CADPS: variants seen among roughly 807,000 people sequenced by gnomAD.
The protein encoded by CADPS is calcium-dependent secretion activator 1.
CADPS carries 57 observed loss-of-function variants against 167.3 expected under a neutral mutation model. The observed-to-expected ratio is 0.34, with a 90% CI of 0.28 to 0.42. The LOEUF (loss-of-function observed/expected upper bound fraction) is 0.42. Ranked by LOEUF, CADPS falls within the 20% of genes least tolerant of loss-of-function variation. CADPS has a pLI of 1.00. For missense variants in CADPS, 1,414 were observed against 1,738.1 expected (o/e 0.81, Z 3.32); for synonymous variants, 676 against 635.3 (o/e 1.06, Z -0.96).
chr3:62,790,418 T>G (rs2092831085), intron 1 of CADPS, among the ~76,000 whole-genome samples: 1 of 152,210 alleles, frequency 6.6e-6, no homozygotes, highest in African/African-American at 2.4e-5. Flanking sequence ...TTCTGAATCT[T>G]ATGTCTCCAT....
chr3:62,701,606 TA>T (rs5849494), intron 3 of CADPS, among the ~76,000 whole-genome samples: 256 of 130,040 alleles, frequency 2.0e-3, no homozygotes, highest in African/African-American at 4.9e-3. Flanking sequence ...AGACTCAGTC[TA>T]AAAAAAAAAA....
chr3:62,638,172 A>G (rs527459325), intron 6 of CADPS, among the ~76,000 whole-genome samples: 1 of 151,974 alleles, frequency 6.6e-6, no homozygotes, highest in African/African-American at 2.4e-5. Context: ...GCCCACTCAC[A>G]CAGCGGAAAT....
At chr3:62,775,014 A>G (rs1445132979) in intron 1 of CADPS, among the ~76,000 whole-genome samples, 10 of 151,844 alleles carry the variant, frequency 6.6e-5, no homozygotes. Context: ...TCTTTTACCC[A>G]TAAGTGTTTT....
intron 6 of CADPS, 70 bp downstream of exon 6, chr3:62,645,652 T>C: frequency 1.9e-6 from 3 of 1,552,364 alleles, no homozygotes; most frequent in Non-Finnish European, 2.6e-6. Context: ...ATCTTTACCT[T>C]GGAGTTGGCC....
intron 28 of CADPS, chr3:62,404,772 T>A (rs1327513499): frequency 2.8e-5 from 4 of 142,184 alleles, no homozygotes; most frequent in Admixed American, 7.5e-5. Context: ...GGGTAGGAAG[T>A]AGATTTTTTT....
chr3:62,690,408 G>A (rs182318091), intron 3 of CADPS, among the ~76,000 whole-genome samples: 7 of 152,100 alleles, frequency 4.6e-5, no homozygotes, highest in East Asian at 3.9e-4. Context: ...CACTTCACTC[G>A]TTTGTGTGAA....
At chr3:62,855,099 T>TTTTTTTTTTTTTTTA (rs1343184814) in intron 1 of CADPS, among the ~76,000 whole-genome samples, 1 of 140,310 alleles carries the variant, frequency 7.1e-6, no homozygotes, top group African/African-American at 2.6e-5. Flanking sequence ...TAATTTTTTT[T>TTTTTTTTTTTTTTTA]TTTTTTTTTT....
Position 62,753,895 on chromosome 3 carries a change from T to A in CADPS, c.556-122A>T. Reference sequence around the variant, plus strand: ...ATCCCAGGAGGAACCACTGTGGGTCTCACCCTGCCCCACCACCTCCTGGCT... The same window carrying A: ...ATCCCAGGAGGAACCACTGTGGGTCACACCCTGCCCCACCACCTCCTGGCT... On this transcript the variant is annotated intron_variant, in intron 2 of 29. Transcript: ENST00000383710. The surrounding 1 kb of genome is among the most constrained non-coding windows in gnomAD (Gnocchi z 4.6). The A allele has an allele frequency of 1.1e-6, 1 of 871,686 alleles. No homozygotes were observed. Among genetic ancestry groups the A allele is most frequent in the Non-Finnish European group, 1.7e-6 (1 of 573,090 alleles). The allele number at this position is 871,686 out of a possible 1,614,324, so 54.0% of individuals were successfully genotyped here.
At chr3:62,651,214 T>C (rs2070039088) in intron 4 of CADPS, 134 bp from the exon 5 acceptor site, 1 of 651,248 alleles carries the variant, frequency 1.5e-6, no homozygotes, top group Non-Finnish European at 2.6e-6. Context: ...CATGGCCTTG[T>C]GCTAGAAAAA....
Position 62,678,276 on chromosome 3 carries a change from A to C in CADPS, c.889-15882T>G, listed in dbSNP as rs951379215. Among the ~76,000 whole-genome samples, 4 of 152,210 alleles carry C rather than the reference A, an allele frequency of 2.6e-5. No homozygotes were observed. In the East Asian group the frequency reaches 5.8e-4, roughly 22 times the overall value. On this transcript the variant is annotated intron_variant, in intron 3 of 29. Transcript: ENST00000383710. ...CTGGGGGTGGGGTAGAAATAGGCAC[A>C]ATGAGGAGGTTTCTAGAAGGCAATC... is the stretch of plus-strand genomic sequence containing the variant.
chr3:62,645,991 G>T, intron 5 of CADPS, 148 bp from the exon 6 acceptor site: 1 of 806,364 alleles, frequency 1.2e-6, no homozygotes, highest in Non-Finnish European at 1.9e-6. Flanking sequence ...GCTGGGACCA[G>T]TCTAGCACGA....
chr3:62,569,550 G>A (rs990403244), intron 9 of CADPS, among the ~76,000 whole-genome samples: 2 of 152,212 alleles, frequency 1.3e-5, no homozygotes, highest in Non-Finnish European at 2.9e-5. Context: ...TGCCTTAGCG[G>A]CACAGCAGAG....
chr3:62,632,338 A>G (rs1327819296), intron 6 of CADPS, among the ~76,000 whole-genome samples: 1 of 152,338 alleles, frequency 6.6e-6, no homozygotes, highest in East Asian at 1.9e-4. Flanking sequence ...TTTGGTCAGA[A>G]AAACATAAAA....
intron 3 of CADPS, among the ~76,000 whole-genome samples, chr3:62,701,154 G>C (rs760611270): frequency 6.6e-6 from 1 of 152,032 alleles, no homozygotes; most frequent in African/African-American, 2.4e-5. Context: ...ATATGAATTT[G>C]GGGGGAGGGA....
intron 23 of CADPS, among the ~76,000 whole-genome samples, chr3:62,476,292 C>T (rs965276246): frequency 6.6e-6 from 1 of 152,182 alleles, no homozygotes; most frequent in Non-Finnish European, 1.5e-5. Flanking sequence ...CGGTTCTAGG[C>T]TCTTCTAATG....
chr3:62,648,738 T>G (rs555172005), intron 5 of CADPS, among the ~76,000 whole-genome samples: 8 of 132,664 alleles, frequency 6.0e-5, no homozygotes, highest in Non-Finnish European at 1.1e-4. Context: ...AAAATACTCA[T>G]GAAAATCAAT....
At chr3:62,761,412 A>G (rs1036824764) in intron 2 of CADPS, among the ~76,000 whole-genome samples, 4 of 152,046 alleles carry the variant, frequency 2.6e-5, no homozygotes, top group African/African-American at 9.7e-5. Context: ...CAACAACAAA[A>G]AAACAACACT....
At chr3:62,583,195 G>A (rs949016841) in intron 8 of CADPS, among the ~76,000 whole-genome samples, 24 of 107,970 alleles carry the variant, frequency 2.2e-4, no homozygotes, top group South Asian at 3.1e-4. Context: ...CTCTTTCTAC[G>A]TCTGTTCTGC....
intron 1 of CADPS, among the ~76,000 whole-genome samples, chr3:62,853,623 T>TAAAAAAAA (rs71126559): frequency 8.5e-6 from 1 of 118,306 alleles, no homozygotes. Context: ...AAAACTCCAC[T>TAAAAAAAA]AAAAAAAAAA....
Sources: allele counts gnomAD v4.1 joint callset (sites outside exome capture counted in the v4.1 genomes callset), GRCh38; gene constraint gnomAD v4.1.1; non-coding constraint Gnocchi (gnomAD v3.1); transcripts MANE v1.5; gene names NCBI Gene and HGNC (gene_info 2026-07-23, HGNC 2026-07-21).